Variants in ATP10D observed in about 807,000 individuals in gnomAD.
The protein encoded by ATP10D is ATPase phospholipid transporting 10D (putative), also known as phospholipid-transporting ATPase VD.
A neutral mutation model predicts 144.8 loss-of-function variants in ATP10D; 89 were observed. The observed-to-expected ratio is 0.61, with a 90% CI of 0.52 to 0.73. The LOEUF is 0.73. Ranked by LOEUF, ATP10D falls within the 30% of genes least tolerant of loss-of-function variation. ATP10D has a pLI of 0.00. For synonymous variants in ATP10D, 571 were observed against 615.1 expected (o/e 0.93, Z 1.06); for missense variants, 1,603 against 1,714.8 (o/e 0.93, Z 1.15).
chr4:47,487,196 T>G (rs911870062), intron 1 of ATP10D, among the ~76,000 whole-genome samples: 60 of 126,550 alleles, frequency 4.7e-4, no homozygotes, highest in African/African-American at 1.8e-3. Context: ...GCCATTGCAC[T>G]CCAGCCTGGG....
chr4:47,546,669 A>G lies in ATP10D; in HGVS notation c.1442A>G (p.Asp481Gly). 3 of 1,614,094 alleles carry G rather than the reference A, an allele frequency of 1.9e-6. No homozygotes were observed. The South Asian group carries it at 3.3e-5, about 18-fold the overall frequency. The change falls in exon 10 of 23, where the codon GAT becomes GGT. Residue 481 changes from aspartate to glycine, a missense_variant. Transcript: ENST00000273859. ...CAGGAAGCTGTCTCTGAAGATGAAG[A>G]TTTTATAGACACAGTCAGTGGTTCC... ...SYQEAVSEDE[D>G]FIDTVSGSLS...
At chr4:47,534,405 C>A (rs972262991) in intron 5 of ATP10D, among the ~76,000 whole-genome samples, 5 of 152,094 alleles carry the variant, frequency 3.3e-5, no homozygotes, top group African/African-American at 7.2e-5. Context: ...CATACACACA[C>A]AAAATATTGC....
chr4:47,521,229 T>A (rs1716930874), intron 3 of ATP10D, among the ~76,000 whole-genome samples: 4 of 152,208 alleles, frequency 2.6e-5, no homozygotes, highest in Non-Finnish European at 5.9e-5. Flanking sequence ...CTCAAACTGC[T>A]GGGCAGATAC....
intron 1 of ATP10D, among the ~76,000 whole-genome samples, chr4:47,506,446 G>A (rs1040514735): frequency 1.3e-5 from 2 of 152,142 alleles, no homozygotes; most frequent in South Asian, 2.1e-4. Context: ...TTGAAAGCTT[G>A]TAGATTTTAG....
In ATP10D at chr4:47,572,981, T is replaced by C. The variant is rs1720044491; in HGVS notation, c.3350T>C (p.Phe1117Ser). 6.2e-7 allele frequency: 1 copy of C among 1,614,006 alleles called. No individual in the cohort carries two copies. The highest frequency in any genetic ancestry group is 1.1e-5 in the South Asian group (1 of 91,086). The change falls in exon 18 of 23, where the codon TTT becomes TCT. Residue 1117 changes from phenylalanine to serine, a missense_variant. Coordinates refer to ENST00000273859, the MANE Select transcript of ATP10D (RefSeq NM_020453.4). ...CGGCTTTCCAACATGATTCTCTATT[T>C]TTTCTATAAGAATGTGGTATGTAAC... is the stretch of plus-strand genomic sequence containing the variant. ...YTRLSNMILY[F>S]FYKNVAYVNL...
At chr4:47,587,918 C>T in intron 22 of ATP10D, among the ~76,000 whole-genome samples, 1 of 152,108 alleles carries the variant, frequency 6.6e-6, no homozygotes, top group East Asian at 1.9e-4. Flanking sequence ...CCTGCTTGCC[C>T]CTGTATACAG....
chr4:47,535,512 A>G lies in ATP10D; in HGVS notation c.780A>G (p.Glu260=). 6.2e-7 allele frequency: 1 copy of G among 1,608,096 alleles called. No homozygotes were observed. The highest frequency in any genetic ancestry group is 8.5e-7 in the Non-Finnish European group (1 of 1,177,756). Residue 260 remains glutamate (E), a synonymous_variant, in exon 6 of 23, where the codon GAA becomes GAG. Transcript: ENST00000273859. ...TTATATGCTGTCTTTCTTATAGAGA[A>G]CATTCCAACAAAGAACGCGTGGGTC... The part of the protein sequence containing the change: ...NDLSRFRGFL[E]HSNKERVGLS...
At chr4:47,573,509 G>A (rs759848665) in intron 18 of ATP10D, among the ~76,000 whole-genome samples, 21 of 152,178 alleles carry the variant, frequency 1.4e-4, no homozygotes, top group Non-Finnish European at 3.1e-4. Context: ...CCTATAAAAT[G>A]TATTTGTGCT....
chr4:47,510,859 A>G (rs4337705), intron 1 of ATP10D, among the ~76,000 whole-genome samples: 95,796 of 152,108 alleles, frequency 0.63, 30,878 homozygotes, highest in East Asian at 0.81. Flanking sequence ...TTCCTTTTAA[A>G]GTTTCCAGAA....
At chr4:47,538,457 C>G (rs4695244) in intron 9 of ATP10D, among the ~76,000 whole-genome samples, 42,809 of 152,130 alleles carry the variant, frequency 0.28, 6,558 homozygotes, top group Admixed American at 0.38. Context: ...AAATATTTTT[C>G]TGTTTCATTA....
Position 47,568,971 on chromosome 4 carries a change from A to G in ATP10D, c.2988A>G (p.Gly996=), listed in dbSNP as rs746082774. 6.8e-6 allele frequency: 11 copies of G among 1,614,122 alleles called. No individual in the cohort carries two copies. In the Middle Eastern group the frequency reaches 4.9e-4, roughly 73 times the overall value. Residue 996 remains glycine, a synonymous_variant, in exon 16 of 23, where the codon GGA becomes GGG. Coordinates refer to ENST00000273859, the MANE Select transcript of ATP10D (RefSeq NM_020453.4). The part of the protein sequence containing the change: ...PVPRDSGLRA[G]LIITGKTLEF... ...CCCGGGACTCAGGGTTACGAGCTGG[A>G]CTCATTATCACTGGGAAGACCCTGG...
chr4:47,580,644 T>A (rs1318479329), intron 20 of ATP10D, among the ~76,000 whole-genome samples, 166 bp downstream of exon 20: 1 of 152,228 alleles, frequency 6.6e-6, no homozygotes, highest in Admixed American at 6.5e-5. Context: ...AGGTAATGGA[T>A]TAAATTTAGA....
At chr4:47,545,884 G>T (rs568231193) in intron 9 of ATP10D, among the ~76,000 whole-genome samples, 2 of 152,246 alleles carry the variant, frequency 1.3e-5, no homozygotes, top group African/African-American at 2.4e-5. Context: ...TCCCAGTGAG[G>T]TCATTTCAAA....
rs756110526 is a variant in ATP10D at position 47,580,443 on chromosome 4, T to C, written c.3613T>C (p.Tyr1205His). The part of the protein sequence containing the change: ...TFWITLLDAF[Y>H]QSLVCFFVPY... ...CTGGATCACCTTATTGGATGCTTTT[T>C]ATCAAAGCCTGGTCTGCTTCTTTGT... The change falls in exon 20 of 23, where the codon TAT becomes CAT. Residue 1205 changes from tyrosine to histidine, a missense_variant. By Grantham distance (83) the Tyr-to-His change is moderately conservative. Coordinates refer to ENST00000273859, the MANE Select transcript of ATP10D (RefSeq NM_020453.4). 1.7e-5 allele frequency: 28 copies of C among 1,613,708 alleles called. No homozygotes were observed. The highest frequency in any genetic ancestry group is 2.4e-5 in the Non-Finnish European group (28 of 1,179,770).
In ATP10D at chr4:47,559,049, T is replaced by C. The variant is rs369355293; in HGVS notation, c.2541+20T>C. ...AAGAAGGTGAGACTGCTTAGTGCGC[T>C]CCATCTTTTTTGTTTTTTCCCTTGT... On this transcript the variant is annotated intron_variant, in intron 13 of 22. Coordinates refer to ENST00000273859, the MANE Select transcript of ATP10D (RefSeq NM_020453.4). 9 of 1,583,664 alleles carry C rather than the reference T, an allele frequency of 5.7e-6. No individual in the cohort carries two copies. Among genetic ancestry groups the C allele is most frequent in the Admixed American group, 1.7e-5 (1 of 58,652 alleles).
At chr4:47,520,007 T>C (rs894734170) in intron 3 of ATP10D, among the ~76,000 whole-genome samples, 1 of 152,182 alleles carries the variant, frequency 6.6e-6, no homozygotes, top group Non-Finnish European at 1.5e-5. Flanking sequence ...ATGCTACAAA[T>C]GGGGAAAAAT....
intron 10 of ATP10D, among the ~76,000 whole-genome samples, chr4:47,551,020 C>T (rs1718707683): frequency 6.6e-6 from 1 of 152,218 alleles, no homozygotes; most frequent in Non-Finnish European, 1.5e-5. Flanking sequence ...GGTTTATATC[C>T]CTATCCTTGT....
chr4:47,569,137 C>G lies in ATP10D; in HGVS notation c.3154C>G (p.Leu1052Val), dbSNP rs193079887. The change falls in exon 16 of 23, where the codon CTT becomes GTT. Residue 1052 changes from leucine to valine, a missense_variant. Coordinates refer to ENST00000273859, the MANE Select transcript of ATP10D (RefSeq NM_020453.4). ...CCGCAGCCATCTCCAGGTGATGACC[C>G]TTGCTATTGGTGAGTGAGGATGAAT... ...LVRSHLQVMT[L>V]AIGDGANDVS... is the part of the protein sequence containing the mutation. 5.8e-5 allele frequency: 93 copies of G among 1,612,710 alleles called. No individual in the cohort carries two copies. In the African/African-American group the frequency reaches 1.1e-3, roughly 18 times the overall value.
chr4:47,542,622 T>C (rs6447565), intron 9 of ATP10D, among the ~76,000 whole-genome samples: 122,052 of 151,948 alleles, frequency 0.8, 49,254 homozygotes, highest in East Asian at 0.94. Context: ...GGATTACAGG[T>C]GCCCGCCACC....
Sources: allele counts gnomAD v4.1 joint callset (sites outside exome capture counted in the v4.1 genomes callset), GRCh38; gene constraint gnomAD v4.1.1; transcripts MANE v1.5; gene names NCBI Gene and HGNC (gene_info 2026-07-23, HGNC 2026-07-21).